The following GDNF variants were observed in gnomAD, a reference collection of about 807,000 sequenced individuals.
GDNF encodes the protein glial cell line-derived neurotrophic factor.
GDNF carries 5 observed loss-of-function variants against 13.7 expected under a neutral mutation model. The observed-to-expected ratio is 0.36, with a 90% CI of 0.19 to 0.77. GDNF has a LOEUF of 0.77. Among genes scored for constraint, GDNF ranks in the 30% least tolerant of loss-of-function variants. The probability of loss-of-function intolerance (pLI) is 0.51; values close to 1 mark genes in which losing one functional copy is unlikely to be tolerated. For missense variants in GDNF, 246 were observed against 274.3 expected, an observed-to-expected ratio of 0.90 and a Z score of 0.73; for synonymous variants, 122 against 112.5, an observed-to-expected ratio of 1.08 and a Z score of -0.53.
intron 2 of GDNF, among the ~76,000 whole-genome samples, chr5:37,818,943 A>G (rs1266281323): frequency 6.6e-6 from 1 of 151,638 alleles, no homozygotes; most frequent in African/African-American, 2.4e-5. Context: ...CCCCTCCACC[A>G]TAATTCTTGC....
chr5:37,819,448 T>TC (rs796745205), intron 2 of GDNF, among the ~76,000 whole-genome samples: 440 of 149,202 alleles, frequency 2.9e-3, no homozygotes, highest in African/African-American at 0.01. Flanking sequence ...TCTTTTCTTT[T>TC]TTTTTTTTTT....
chr5:37,815,636 T>C lies in GDNF; in HGVS notation c.*15A>G, dbSNP rs1467727208. 1.2e-6 allele frequency: 2 copies of C among 1,612,038 alleles called. No individual in the cohort carries two copies. Among genetic ancestry groups the C allele is most frequent in the Non-Finnish European group, 1.7e-6 (2 of 1,178,132 alleles). On this transcript the variant is annotated 3_prime_UTR_variant, in exon 3 of 3. Transcript: ENST00000326524. This position sits in a 1 kb window ranked among gnomAD's most constrained non-coding sequence, Gnocchi z 5.0. ...GTAGCAGGAATGCAATACACAGCAG[T>C]CTCTGGAGCCGGAGTCAGATACATC...
chr5:37,827,541 G>A (rs1750371493), intron 2 of GDNF, among the ~76,000 whole-genome samples: 1 of 152,226 alleles, frequency 6.6e-6, no homozygotes, highest in Non-Finnish European at 1.5e-5. Context: ...AAGAAATCCT[G>A]AAGCCAGTTG....
At position 37,813,492 on chromosome 5, in the gene GDNF, T is replaced by C. The variant is rs1417946426; in HGVS notation, c.*2159A>G. On this transcript the variant is annotated 3_prime_UTR_variant, in exon 3 of 3. Transcript: ENST00000326524. ...TGTCATACATGTGTTGGCTGCCCGA[T>C]AAATTCACAATCTAGGGCATGGAGG... 2.0e-5 allele frequency: 3 copies of C among 151,286 alleles called. No homozygotes were observed. Among genetic ancestry groups the C allele is most frequent in the African/African-American group, 4.9e-5 (2 of 41,168 alleles). 9.4% of individuals were successfully genotyped at this position (151,286 alleles called of 1,614,324 possible). A position where few individuals can be genotyped will look rare whatever the true frequency, so the allele number is the denominator to read the frequency against.
At chr5:37,820,899 T>C (rs1219488286) in intron 2 of GDNF, among the ~76,000 whole-genome samples, 1 of 152,228 alleles carries the variant, frequency 6.6e-6, no homozygotes, top group Non-Finnish European at 1.5e-5. Context: ...GCAACTCTTA[T>C]TAAGCTGAAG....
intron 2 of GDNF, among the ~76,000 whole-genome samples, chr5:37,829,277 C>A (rs1750435859): frequency 6.6e-6 from 1 of 152,112 alleles, no homozygotes; most frequent in African/African-American, 2.4e-5. Context: ...CCTTCCCTTC[C>A]AAACACCCAT....
At chr5:37,817,392 T>A (rs1181546165) in intron 2 of GDNF, among the ~76,000 whole-genome samples, 2 of 152,198 alleles carry the variant, frequency 1.3e-5, no homozygotes, top group African/African-American at 4.8e-5. Context: ...TTTAGGATTC[T>A]AAGTGGCTTA....
chr5:37,833,467 T>TTCTA (rs1320838982), intron 2 of GDNF, among the ~76,000 whole-genome samples: 11 of 152,218 alleles, frequency 7.2e-5, no homozygotes, highest in African/African-American at 2.7e-4. Flanking sequence ...AAAATCCACT[T>TTCTA]TCTATCTTTC....
intron 2 of GDNF, among the ~76,000 whole-genome samples, chr5:37,832,029 G>A (rs1750538101): frequency 6.6e-6 from 1 of 152,150 alleles, no homozygotes; most frequent in African/African-American, 2.4e-5. Flanking sequence ...TCACACTGAG[G>A]GCATACTAGT....
chr5:37,821,095 T>C (rs1448438133), intron 2 of GDNF, among the ~76,000 whole-genome samples: 5 of 152,186 alleles, frequency 3.3e-5, no homozygotes, highest in Non-Finnish European at 7.3e-5. Flanking sequence ...AATTTATCGA[T>C]GCGAGGCACC....
intron 1 of GDNF, among the ~76,000 whole-genome samples, chr5:37,836,403 G>A (rs1414653190): frequency 6.6e-6 from 1 of 152,066 alleles, no homozygotes; most frequent in Admixed American, 6.6e-5. Flanking sequence ...CCTCTGCAGA[G>A]ACTAATGCAT....
At chr5:37,829,498 C>T (rs1030663734) in intron 2 of GDNF, among the ~76,000 whole-genome samples, 1 of 152,232 alleles carries the variant, frequency 6.6e-6, no homozygotes, top group African/African-American at 2.4e-5. Flanking sequence ...AGCTAGATCA[C>T]AAGCAACTTT....
intron 2 of GDNF, among the ~76,000 whole-genome samples, chr5:37,819,391 T>C (rs1461810981): frequency 2.6e-5 from 4 of 151,214 alleles, no homozygotes; most frequent in Non-Finnish European, 4.4e-5. Flanking sequence ...CTCCTAAAGC[T>C]CTCTGGTCCC....
chr5:37,822,352 G>A (rs1750168505), intron 2 of GDNF, among the ~76,000 whole-genome samples: 1 of 152,190 alleles, frequency 6.6e-6, no homozygotes, highest in Admixed American at 6.5e-5. Context: ...CTTCACTATA[G>A]TGTCCAGCTT....
At chr5:37,829,373 A>T (rs1750438003) in intron 2 of GDNF, among the ~76,000 whole-genome samples, 1 of 152,074 alleles carries the variant, frequency 6.6e-6, no homozygotes, top group African/African-American at 2.4e-5. Flanking sequence ...ACTGCTAGGA[A>T]TTTTTACCAC....
At chr5:37,830,396 C>A (rs1750481411) in intron 2 of GDNF, among the ~76,000 whole-genome samples, 1 of 152,052 alleles carries the variant, frequency 6.6e-6, no homozygotes, top group Non-Finnish European at 1.5e-5. Context: ...GGCTTGGAAA[C>A]TGGGGAAGGG....
intron 2 of GDNF, among the ~76,000 whole-genome samples, chr5:37,830,903 C>G (rs1162801356): frequency 6.6e-6 from 1 of 152,220 alleles, no homozygotes; most frequent in African/African-American, 2.4e-5. Context: ...TTGCTGAAAC[C>G]TCCCTGATTT....
intron 2 of GDNF, among the ~76,000 whole-genome samples, chr5:37,825,655 T>G (rs1237017841): frequency 2.6e-5 from 4 of 152,136 alleles, no homozygotes; most frequent in Non-Finnish European, 5.9e-5. Context: ...GTGGGGGTGG[T>G]GGAGTCTCTC....
intron 2 of GDNF, among the ~76,000 whole-genome samples, chr5:37,831,199 G>A (rs1393617664): frequency 6.6e-6 from 1 of 152,134 alleles, no homozygotes; most frequent in East Asian, 1.9e-4. Flanking sequence ...GTTTCCAGTT[G>A]CACAAAAAAT....
Sources: gnomAD v4.1 joint callset for allele counts (sites outside exome capture counted in the v4.1 genomes callset) on GRCh38, gnomAD v4.1.1 for gene constraint, Gnocchi (gnomAD v3.1) non-coding constraint, MANE v1.5 for transcripts, NCBI Gene and HGNC (gene_info 2026-07-23, HGNC 2026-07-21) for gene names.